LRIG1: variants seen among roughly 807,000 people sequenced by gnomAD.
The protein encoded by LRIG1 is leucine-rich repeats and immunoglobulin-like domains protein 1.
LRIG1 carries 48 observed loss-of-function variants against 99.2 expected under a neutral mutation model. The observed-to-expected ratio is 0.48, with a 90% CI of 0.38 to 0.62. The LOEUF is 0.62. LRIG1 is among the 20% of genes least tolerant of loss of function. The pLI is 0.00. For missense variants in LRIG1, 1,646 were observed against 1,434.4 expected (o/e 1.15, Z -2.38); for synonymous variants, 772 against 596.1 (o/e 1.29, Z -4.30).
intron 1 of LRIG1, among the ~76,000 whole-genome samples, chr3:66,469,771 T>G (rs946706010): frequency 6.6e-6 from 1 of 152,076 alleles, no homozygotes; most frequent in Non-Finnish European, 1.5e-5. Flanking sequence ...AACCCACTGG[T>G]CAAGTTAAGA....
chr3:66,405,155 T>G, intron 9 of LRIG1, 43 bp downstream of exon 9: 9 of 1,556,262 alleles, frequency 5.8e-6, no homozygotes, highest in Non-Finnish European at 8.0e-6. Context: ...CCCAAGTGTG[T>G]CCCGCGCATT....
chr3:66,457,335 T>C (rs1465205654), intron 2 of LRIG1, among the ~76,000 whole-genome samples: 1 of 151,470 alleles, frequency 6.6e-6, no homozygotes, highest in Non-Finnish European at 1.5e-5. Context: ...CTTTTTAGAA[T>C]TCCCTTAGGG....
chr3:66,388,757 T>C (rs1217880316), intron 12 of LRIG1, among the ~76,000 whole-genome samples: 2 of 152,154 alleles, frequency 1.3e-5, no homozygotes, highest in African/African-American at 2.4e-5. Flanking sequence ...AAAAAACCTA[T>C]CCTTCAAAAA....
At chr3:66,474,512 A>C (rs377422815) in intron 1 of LRIG1, among the ~76,000 whole-genome samples, 7 of 151,978 alleles carry the variant, frequency 4.6e-5, no homozygotes, top group African/African-American at 1.5e-4. Flanking sequence ...CACCCAGCTA[A>C]TTCTTGTATT....
chr3:66,470,213 C>T (rs2106863373), intron 1 of LRIG1, among the ~76,000 whole-genome samples: 1 of 152,318 alleles, frequency 6.6e-6, no homozygotes, highest in East Asian at 1.9e-4. Flanking sequence ...TCCTTATTGT[C>T]TCACCCATGC....
intron 2 of LRIG1, 66 bp downstream of exon 2, chr3:66,462,372 T>C: frequency 3.4e-6 from 4 of 1,192,702 alleles, no homozygotes; most frequent in Non-Finnish European, 1.2e-6. Context: ...GATGCTGCAA[T>C]ACAAGAGGAT....
chr3:66,411,545 G>A (rs1483284209), intron 6 of LRIG1, among the ~76,000 whole-genome samples: 9 of 152,176 alleles, frequency 5.9e-5, no homozygotes, highest in Admixed American at 5.2e-4. Context: ...AAAGGGTGGA[G>A]AATGGGTAGA....
intron 3 of LRIG1, among the ~76,000 whole-genome samples, chr3:66,450,271 A>T (rs1703859810): frequency 6.6e-6 from 1 of 152,182 alleles, no homozygotes; most frequent in African/African-American, 2.4e-5. Context: ...CCAAGATCCA[A>T]GGAGCTACGT....
chr3:66,467,640 C>T (rs933206220), intron 1 of LRIG1, among the ~76,000 whole-genome samples: 13 of 152,314 alleles, frequency 8.5e-5, no homozygotes, highest in African/African-American at 2.9e-4. Context: ...GGATTACAGG[C>T]GTGAGCCACC....
Position 66,398,137 on chromosome 3 carries a change from C to T in LRIG1, c.1279G>A (p.Val427Met), listed in dbSNP as rs780051641. The change falls in exon 11 of 19, where the codon GTG (valine) becomes ATG (methionine). Residue 427 changes from valine to methionine, a missense_variant. Physicochemically the swap from Val to Met is conservative, Grantham distance 21 (BLOSUM62 1). Coordinates refer to ENST00000273261, the MANE Select transcript of LRIG1 (RefSeq NM_015541.3). Reference sequence around the variant, plus strand: ...AGCTCTTTAAGATTCTTCATCTTCACAAAGGCATCAAACTGGACAGATCTG... The same window carrying T: ...AGCTCTTTAAGATTCTTCATCTTCATAAAGGCATCAAACTGGACAGATCTG... Reference protein sequence around the residue: ...AIRSVQFDAFVKMKNLKELHI... With the variant: ...AIRSVQFDAFMKMKNLKELHI... The T allele has an allele frequency of 1.2e-6, 2 of 1,613,932 alleles. No individual in the cohort carries two copies. The highest frequency in any genetic ancestry group is 4.5e-5 in the East Asian group (2 of 44,894).
At chr3:66,389,054 A>C (rs1159185591) in intron 12 of LRIG1, among the ~76,000 whole-genome samples, 6 of 152,228 alleles carry the variant, frequency 3.9e-5, no homozygotes, top group East Asian at 1.9e-4. Flanking sequence ...TGATGGGCTT[A>C]ATGAAAATGT....
At chr3:66,432,998 C>T (rs886615893) in intron 3 of LRIG1, among the ~76,000 whole-genome samples, 1 of 152,212 alleles carries the variant, frequency 6.6e-6, no homozygotes, top group African/African-American at 2.4e-5. Flanking sequence ...ACAGCATTGC[C>T]AGAGGGCCCA....
chr3:66,404,195 C>G, intron 9 of LRIG1: 1 of 1,259,986 alleles, frequency 7.9e-7, no homozygotes, highest in South Asian at 1.2e-5. Context: ...CTTTTCAAAA[C>G]AAATCAGAAG....
In LRIG1 at chr3:66,407,355, G is replaced by A. The variant is rs867960992; in HGVS notation, c.1072C>T (p.Arg358Ter). ...CAGTAGTGGGAGACGTACAAGACTC[G>A]CAGGCTCCTGAGTCCCTTGAAGGCA... ...EGAFKGLRSL[R>*]VLDLDHNEIS... Residue 358 changes from arginine to a stop codon, truncating the protein, a stop_gained, in exon 8 of 19, where the codon CGA (arginine) becomes TGA (stop). Coordinates refer to ENST00000273261, the MANE Select transcript of LRIG1 (RefSeq NM_015541.3). LOFTEE classifies it high-confidence loss of function. 2 of 1,614,064 alleles carry A rather than the reference G, an allele frequency of 1.2e-6. No homozygotes were observed. The highest frequency in any genetic ancestry group is 1.7e-6 in the Non-Finnish European group (2 of 1,180,018).
At chr3:66,484,538 C>A (rs1700926475) in intron 1 of LRIG1, among the ~76,000 whole-genome samples, 1 of 152,118 alleles carries the variant, frequency 6.6e-6, no homozygotes, top group Non-Finnish European at 1.5e-5. Flanking sequence ...CAGAAATCTG[C>A]AAGGCGAAGA....
Position 66,381,573 on chromosome 3 carries a change from G to A in LRIG1, c.2676C>T (p.Cys892=). Residue 892 remains cysteine (C), a synonymous_variant, in exon 17 of 19, where the codon TGC becomes TGT. Coordinates refer to ENST00000273261, the MANE Select transcript of LRIG1 (RefSeq NM_015541.3). ...ACCCAGCACAGAGCTTTGGCTGCCT[G>A]CAGGCAACGCTGTGAGTGTCGGGCT... The part of the protein sequence containing the change: ...FPEPDTHSVA[C]RQPKLCAGSA... The A allele has an allele frequency of 1.2e-6, 2 of 1,614,098 alleles. No homozygotes were observed. The highest frequency in any genetic ancestry group is 1.7e-6 in the Non-Finnish European group (2 of 1,179,974).
chr3:66,381,354 T>C (rs1701050198), intron 17 of LRIG1, 125 bp downstream of exon 17: 1 of 908,652 alleles, frequency 1.1e-6, no homozygotes, highest in African/African-American at 1.6e-5. Context: ...CCCCTGTATA[T>C]ACTGAATACC....
At chr3:66,465,585 C>A (rs961547010) in intron 1 of LRIG1, among the ~76,000 whole-genome samples, 1 of 151,884 alleles carries the variant, frequency 6.6e-6, no homozygotes, top group Non-Finnish European at 1.5e-5. Context: ...AGGCTGGTTT[C>A]AAACTCCTGA....
At chr3:66,469,140 A>G (rs1700541765) in intron 1 of LRIG1, 1 of 152,222 alleles carries the variant, frequency 6.6e-6, no homozygotes, top group South Asian at 2.1e-4. Flanking sequence ...ACTCAGGAGA[A>G]GGTTCTGTAC....
Sources: allele counts gnomAD v4.1 joint callset (sites outside exome capture counted in the v4.1 genomes callset), GRCh38; gene constraint gnomAD v4.1.1; transcripts MANE v1.5; gene names NCBI Gene and HGNC (gene_info 2026-07-23, HGNC 2026-07-21).